Variants in OR51B5 observed in about 807,000 individuals in gnomAD.
The protein encoded by OR51B5 is olfactory receptor family 51 subfamily B member 5.
For synonymous variants in OR51B5, 186 were observed against 144.8 expected (o/e 1.28, Z -2.04); for missense variants, 456 against 374.6 (o/e 1.22, Z -1.79).
intron 1 of OR51B5, among the ~76,000 whole-genome samples, chr11:5,393,977 G>A (rs1321408863): frequency 2.0e-5 from 3 of 152,030 alleles, no homozygotes; most frequent in African/African-American, 7.2e-5. Flanking sequence ...CTAACTTTTT[G>A]TTCCCTTTCC....
chr11:5,462,865 G>A (rs1851079630), intron 1 of OR51B5, among the ~76,000 whole-genome samples: 1 of 152,182 alleles, frequency 6.6e-6, no homozygotes, highest in Non-Finnish European at 1.5e-5. Context: ...ATGCTTTCAG[G>A]ATTCCTAGAA....
At chr11:5,402,170 C>G (rs781417023) in intron 1 of OR51B5, among the ~76,000 whole-genome samples, 1 of 151,926 alleles carries the variant, frequency 6.6e-6, no homozygotes, top group Non-Finnish European at 1.5e-5. Context: ...CTCCAACAAG[C>G]CTGGCTAATT....
At chr11:5,421,017 T>C (rs1564807828) in intron 1 of OR51B5, among the ~76,000 whole-genome samples, 1 of 152,240 alleles carries the variant, frequency 6.6e-6, no homozygotes, top group Non-Finnish European at 1.5e-5. Context: ...CTTTTAGAAC[T>C]AATTTTTGAG....
At chr11:5,418,858 C>T (rs2471993) in intron 1 of OR51B5, among the ~76,000 whole-genome samples, 51,536 of 140,316 alleles carry the variant, frequency 0.37, 9,258 homozygotes, top group South Asian at 0.42. Context: ...GCACATGTAC[C>T]CCAGAACTTG....
intron 1 of OR51B5, chr11:5,422,679 C>T (rs892860917): frequency 6.2e-7 from 1 of 1,614,002 alleles, no homozygotes; most frequent in Non-Finnish European, 8.5e-7. Context: ...GCGGTTCTTC[C>T]CTCCCTTTTC....
intron 1 of OR51B5, among the ~76,000 whole-genome samples, chr11:5,371,071 T>A (rs1055528618): frequency 6.6e-6 from 1 of 152,150 alleles, no homozygotes; most frequent in Non-Finnish European, 1.5e-5. Flanking sequence ...ATAAAAATAG[T>A]GATTTTGAAC....
chr11:5,409,143 C>T (rs963442429), intron 1 of OR51B5, among the ~76,000 whole-genome samples: 3 of 152,092 alleles, frequency 2.0e-5, no homozygotes, highest in African/African-American at 7.2e-5. Context: ...CTGTGTGTGT[C>T]TGTGTGTGTT....
downstream of OR51B5, chr11:5,341,329 A>T (rs778392858): frequency 1.6e-4 from 24 of 151,586 alleles, no homozygotes; most frequent in Non-Finnish European, 2.9e-4. Flanking sequence ...CATTTTCTTC[A>T]TAAGACATTT....
At chr11:5,396,150 C>T (rs1849867007) in intron 1 of OR51B5, among the ~76,000 whole-genome samples, 1 of 152,084 alleles carries the variant, frequency 6.6e-6, no homozygotes, top group Non-Finnish European at 1.5e-5. Flanking sequence ...TGAAAATGTG[C>T]CTAGGCTGCA....
At chr11:5,415,245 A>T (rs1228740857) in intron 1 of OR51B5, among the ~76,000 whole-genome samples, 1 of 151,342 alleles carries the variant, frequency 6.6e-6, no homozygotes, top group East Asian at 1.9e-4. Context: ...AAGACACAAC[A>T]TACCAGAATC....
intron 1 of OR51B5, among the ~76,000 whole-genome samples, chr11:5,411,393 T>C (rs1319001769): frequency 2.6e-5 from 4 of 152,110 alleles, no homozygotes; most frequent in African/African-American, 7.2e-5. Context: ...TCTAGGCTTG[T>C]GTGAGTACAG....
chr11:5,358,292 A>G (rs1191840769), intron 1 of OR51B5, among the ~76,000 whole-genome samples: 8 of 152,180 alleles, frequency 5.3e-5, no homozygotes, highest in Admixed American at 3.9e-4. Flanking sequence ...TAGATGCAAT[A>G]AAAAATGATA....
chr11:5,463,075 G>A (rs1379586888), intron 1 of OR51B5, among the ~76,000 whole-genome samples: 1 of 152,088 alleles, frequency 6.6e-6, no homozygotes, highest in Non-Finnish European at 1.5e-5. Flanking sequence ...AGGTGGGTGT[G>A]GTTTCATTCA....
At chr11:5,414,750 T>A (rs1010807551) in intron 1 of OR51B5, among the ~76,000 whole-genome samples, 2 of 152,174 alleles carry the variant, frequency 1.3e-5, no homozygotes, top group African/African-American at 4.8e-5. Context: ...ATGCACCCAA[T>A]ACAGGAGCAC....
chr11:5,472,085 G>C (rs1231122990), intron 1 of OR51B5, among the ~76,000 whole-genome samples: 1 of 152,044 alleles, frequency 6.6e-6, no homozygotes, highest in Admixed American at 6.6e-5. Context: ...TAATCGCACT[G>C]AGGCATTCAC....
intron 1 of OR51B5, chr11:5,468,801 A>G (rs924582578): frequency 4.4e-6 from 2 of 455,120 alleles, no homozygotes; most frequent in African/African-American, 4.0e-5. Context: ...CCAAAGGCAG[A>G]GATGACAATG....
intron 1 of OR51B5, chr11:5,454,227 G>T (rs758795474): frequency 6.2e-7 from 1 of 1,614,140 alleles, no homozygotes; most frequent in Admixed American, 1.7e-5. Context: ...ACATATCCTG[G>T]CTGTACTTGC....
intron 1 of OR51B5, chr11:5,422,548 C>A: frequency 2.5e-6 from 4 of 1,614,092 alleles, no homozygotes; most frequent in Non-Finnish European, 3.4e-6. Flanking sequence ...AGTCTTCTGT[C>A]CTCCTGGCTA....
At chr11:5,381,420 T>C (rs1296287352) in intron 1 of OR51B5, among the ~76,000 whole-genome samples, 1 of 152,222 alleles carries the variant, frequency 6.6e-6, no homozygotes, top group African/African-American at 2.4e-5. Context: ...GTGATAGAGA[T>C]AGGTCCGAGG....
Sources: allele counts gnomAD v4.1 joint callset (sites outside exome capture counted in the v4.1 genomes callset), GRCh38; gene constraint gnomAD v4.1.1; transcripts MANE v1.5; gene names NCBI Gene and HGNC (gene_info 2026-07-23, HGNC 2026-07-21).